TTC17: variants seen among roughly 807,000 people sequenced by gnomAD.
TTC17 encodes the protein tetratricopeptide repeat protein 17.
A neutral mutation model predicts 143.8 loss-of-function variants in TTC17; 58 were observed. The ratio of observed to expected loss-of-function variants is 0.40; its 90% CI spans 0.33 to 0.50. The LOEUF (loss-of-function observed/expected upper bound fraction) is 0.50. TTC17 is among the 20% of genes least tolerant of loss of function. The pLI, the probability that TTC17 is intolerant of heterozygous loss-of-function variation, is 0.49. For synonymous variants in TTC17, 501 were observed against 497.8 expected, an observed-to-expected ratio of 1.01 and a Z score of -0.09; for missense variants, 1,273 against 1,392.5, an observed-to-expected ratio of 0.91 and a Z score of 1.37.
At chr11:43,386,079 T>A (rs1041407417) in intron 2 of TTC17, among the ~76,000 whole-genome samples, 1 of 151,768 alleles carries the variant, frequency 6.6e-6, no homozygotes, top group African/African-American at 2.4e-5. Flanking sequence ...AATATAAAAA[T>A]TGATTGAATA....
intron 1 of TTC17, among the ~76,000 whole-genome samples, chr11:43,367,095 CAATG>C (rs1315192835): frequency 1.3e-5 from 2 of 152,262 alleles, no homozygotes; most frequent in East Asian, 3.9e-4. Context: ...AGACATTTCT[CAATG>C]AATCCTTATA....
Position 43,443,475 on chromosome 11 carries a change from G to T in TTC17, c.2402G>T (p.Arg801Leu). The T allele has an allele frequency of 6.2e-7, 1 of 1,614,160 alleles. No homozygotes were observed. The highest frequency in any genetic ancestry group is 1.3e-5 in the African/African-American group (1 of 75,034). Residue 801 changes from arginine (R) to leucine (L), a missense_variant, in exon 17 of 24, where the codon CGT (arginine) becomes CTT (leucine). Arg to Leu is a moderately radical substitution (Grantham distance 102, BLOSUM62 -2). This residue lies in a region of TTC17 where 878 missense variants were observed against 899.8 expected (regional missense o/e 0.98). Coordinates refer to ENST00000039989, the MANE Select transcript of TTC17 (RefSeq NM_018259.6). ...GGTGCACTAGAGATGAAAGGGCGGCGTCTAGACTTACAAGGAATACGGGTG... is the reference window on the plus strand; with the variant it reads ...GGTGCACTAGAGATGAAAGGGCGGCTTCTAGACTTACAAGGAATACGGGTG... ...FGGALEMKGR[R>L]LDLQGIRVLK...
intron 16 of TTC17, among the ~76,000 whole-genome samples, chr11:43,439,816 A>G (rs1565167209): frequency 6.6e-6 from 1 of 152,028 alleles, no homozygotes; most frequent in Non-Finnish European, 1.5e-5. Context: ...GTGATTCTTG[A>G]TAGTACCTAA....
At chr11:43,362,715 T>G (rs1223017225) in intron 1 of TTC17, among the ~76,000 whole-genome samples, 1 of 152,204 alleles carries the variant, frequency 6.6e-6, no homozygotes, top group African/African-American at 2.4e-5. Context: ...TACCTCAGCC[T>G]CCTGAGTAGG....
chr11:43,475,534 C>G (rs945005749), intron 21 of TTC17, among the ~76,000 whole-genome samples: 3 of 152,132 alleles, frequency 2.0e-5, no homozygotes, highest in African/African-American at 7.2e-5. Context: ...AAGGTCTTCC[C>G]TGTGTTGCCC....
chr11:43,446,116 C>T (rs1947534589), intron 18 of TTC17: 1 of 1,428,458 alleles, frequency 7.0e-7, no homozygotes, highest in East Asian at 2.5e-5. Context: ...CCCTTTACAG[C>T]CCGCCTCTGT....
At chr11:43,360,521 G>A (rs775815567) in intron 1 of TTC17, among the ~76,000 whole-genome samples, 54 of 152,256 alleles carry the variant, frequency 3.5e-4, no homozygotes, top group African/African-American at 1.1e-3. Flanking sequence ...ATTTTGGGGA[G>A]CCTTTCTCCT....
Position 43,391,481 on chromosome 11 carries a change from GAC to G in TTC17, c.440_441del (p.Thr147ArgfsTer12). 6.3e-7 allele frequency: 1 copy of G among 1,597,508 alleles called. No homozygotes were observed. The highest frequency in any genetic ancestry group is 8.5e-7 in the Non-Finnish European group (1 of 1,171,052). On this transcript the variant is annotated frameshift_variant, in exon 4 of 24. Transcript: ENST00000039989. LOFTEE classifies it high-confidence loss of function. ...TGATTTTAGTCCTGAAGATTATATA[GAC>G]ACAGAATCTCCTGTCCCTCCAGACC... Reference protein sequence around the residue: ...SKDISPEDYIDTESPVPPDPE... With the variant: ...SKDISPEDYIXTESPVPPDPE...
In TTC17 at chr11:43,389,745, A is replaced by G. The variant is rs759522218; in HGVS notation, c.343A>G (p.Ile115Val). The change falls in exon 3 of 24, where the codon ATC (isoleucine) becomes GTC (valine). Residue 115 changes from isoleucine (I) to valine (V), a missense_variant. Coordinates refer to ENST00000039989, the MANE Select transcript of TTC17 (RefSeq NM_018259.6). ...ACATAATAAAGAAGACCCAGACTGC[A>G]TCAAAGCCAAGGTGCCCTTAGGGGA... ...QRHNKEDPDCIKAKVPLGDLD... is the reference protein window; with the variant it reads ...QRHNKEDPDCVKAKVPLGDLD... 1.9e-6 allele frequency: 3 copies of G among 1,614,176 alleles called. No homozygotes were observed. The highest frequency in any genetic ancestry group is 3.3e-5 in the Admixed American group (2 of 60,032).
intron 23 of TTC17, among the ~76,000 whole-genome samples, chr11:43,493,061 G>C (rs932420702): frequency 1.3e-5 from 2 of 152,200 alleles, no homozygotes; most frequent in African/African-American, 4.8e-5. Context: ...TCTGCTTCTT[G>C]AAGAATCTGT....
intron 16 of TTC17, among the ~76,000 whole-genome samples, chr11:43,437,233 T>G (rs556854778): frequency 8.5e-5 from 13 of 152,144 alleles, no homozygotes; most frequent in Non-Finnish European, 1.9e-4. Context: ...GTATTCCTGA[T>G]CTCTCTTAAG....
At position 43,447,905 on chromosome 11, in the gene TTC17, A is replaced by G. The variant is rs1947579182; in HGVS notation, c.2666-97A>G. The G allele has an allele frequency of 2.0e-6, 3 of 1,488,748 alleles. 1 individual carries two copies. In the South Asian group the frequency reaches 3.9e-5, roughly 19 times the overall value. 92.2% of individuals were successfully genotyped at this position (1,488,748 alleles called of 1,614,324 possible). ...ACTACAGGAATGACTAGCACCTCCAAATACACCAATCCAGGTGAAGTAATC... is the reference window on the plus strand; with the variant it reads ...ACTACAGGAATGACTAGCACCTCCAGATACACCAATCCAGGTGAAGTAATC... On this transcript the variant is annotated intron_variant, in intron 18 of 23. Coordinates refer to ENST00000039989, the MANE Select transcript of TTC17 (RefSeq NM_018259.6).
At chr11:43,388,397 TAGG>T (rs78621614) in intron 2 of TTC17, among the ~76,000 whole-genome samples, 25,914 of 151,980 alleles carry the variant, frequency 0.17, 2,887 homozygotes, top group Non-Finnish European at 0.24. Context: ...AGTAATATTT[TAGG>T]AGAGTAAGAG....
intron 21 of TTC17, among the ~76,000 whole-genome samples, chr11:43,451,871 A>G (rs1266653971): frequency 4.6e-5 from 7 of 152,208 alleles, no homozygotes; most frequent in Admixed American, 4.6e-4. Context: ...CATTTAAACA[A>G]TCAACCCAAC....
intron 21 of TTC17, among the ~76,000 whole-genome samples, chr11:43,469,004 A>C (rs1948037147): frequency 6.6e-6 from 1 of 152,272 alleles, no homozygotes; most frequent in South Asian, 2.1e-4. Flanking sequence ...TTCAAAATAT[A>C]TAAAGAACTA....
chr11:43,453,197 A>C (rs1947697436), intron 21 of TTC17, among the ~76,000 whole-genome samples: 1 of 152,158 alleles, frequency 6.6e-6, no homozygotes, highest in African/African-American at 2.4e-5. Flanking sequence ...TTAAAGAAAA[A>C]TTGAAGATAA....
At chr11:43,413,697 T>C (rs1362649515) in intron 15 of TTC17, among the ~76,000 whole-genome samples, 2 of 147,994 alleles carry the variant, frequency 1.4e-5, no homozygotes, top group Non-Finnish European at 3.0e-5. Flanking sequence ...AAATGGCCAA[T>C]AGGCACCTGA....
chr11:43,484,248 GT>G (rs1350168098), intron 21 of TTC17, among the ~76,000 whole-genome samples: 1 of 152,132 alleles, frequency 6.6e-6, no homozygotes, highest in Non-Finnish European at 1.5e-5. Context: ...AGACTCCACA[GT>G]TTTTTAGAAA....
At position 43,493,869 on chromosome 11, in the gene TTC17, C is replaced by T; in HGVS notation, c.3391C>T (p.His1131Tyr). The change falls in exon 24 of 24, where the codon CAC becomes TAC. Residue 1131 changes from histidine (H) to tyrosine (Y), a missense_variant. His to Tyr is a moderately conservative substitution (Grantham distance 83, BLOSUM62 2). Transcript: ENST00000039989. ...GAACCGAATCCAGACCATCCAGTGT[C>T]ACTTAATGCTGAAGAAGGGACGGCG... ...AKNRIQTIQC[H>Y]LMLKKGRRSP 6.2e-7 allele frequency: 1 copy of T among 1,613,552 alleles called. No homozygotes were observed. The highest frequency in any genetic ancestry group is 1.1e-5 in the South Asian group (1 of 91,044).
Sources: gnomAD v4.1 joint callset for allele counts (sites outside exome capture counted in the v4.1 genomes callset) on GRCh38, gnomAD v4.1.1 for gene constraint, gnomAD v4.1.1 regional missense constraint, MANE v1.5 for transcripts, NCBI Gene and HGNC (gene_info 2026-07-23, HGNC 2026-07-21) for gene names.